The following BRAF variants were observed in gnomAD, a reference collection of about 807,000 sequenced individuals.
The protein encoded by BRAF is B-Raf proto-oncogene, serine/threonine kinase.
BRAF carries 16 observed loss-of-function variants against 104.6 expected under a neutral mutation model. That is an observed-to-expected ratio of 0.15 (90% CI 0.10 to 0.23). The LOEUF (loss-of-function observed/expected upper bound fraction) is 0.23. Among genes scored for constraint, BRAF ranks in the 10% least tolerant of loss-of-function variants. The probability of loss-of-function intolerance (pLI) is 1.00; values close to 1 mark genes in which losing one functional copy is unlikely to be tolerated. For synonymous variants in BRAF, 310 were observed against 341.6 expected (o/e 0.91, Z 1.02); for missense variants, 541 against 937.3 (o/e 0.58, Z 5.52).
At chr7:140,826,886 T>C (rs1416865153) in intron 3 of BRAF, among the ~76,000 whole-genome samples, 1 of 152,216 alleles carries the variant, frequency 6.6e-6, no homozygotes, top group East Asian at 1.9e-4. Context: ...CCAAGAATGA[T>C]TCTTCCCCCC....
intron 2 of BRAF, among the ~76,000 whole-genome samples, chr7:140,842,128 T>C (rs556843313): frequency 2.6e-5 from 4 of 152,266 alleles, no homozygotes; most frequent in Non-Finnish European, 5.9e-5. Context: ...TCTGTATTAT[T>C]CTAGGTTCTA....
chr7:140,761,456 G>A (rs1482372614), intron 14 of BRAF, among the ~76,000 whole-genome samples: 19 of 151,948 alleles, frequency 1.3e-4, no homozygotes, highest in East Asian at 3.9e-4. Flanking sequence ...AAAGACCATC[G>A]AGACTAGGAA....
intron 3 of BRAF, among the ~76,000 whole-genome samples, chr7:140,827,435 T>C (rs917913655): frequency 2.0e-5 from 3 of 152,134 alleles, no homozygotes; most frequent in Non-Finnish European, 4.4e-5. Context: ...GCAGTATAAA[T>C]TTGAATCCCA....
chr7:140,721,329 A>G lies in BRAF; in HGVS notation c.*5165T>C, dbSNP rs1382457995. The stretch of plus-strand genomic sequence containing the variant: ...TTTTAAAGCACTGTTACCTTAATTT[A>G]AGATTTTAGGAGTTGGGTTTCTGTC... On this transcript the variant is annotated 3_prime_UTR_variant, in exon 20 of 20. Coordinates refer to ENST00000644969, the MANE Select transcript of BRAF (RefSeq NM_001374258.1). 3 of 1,194,548 alleles carry G rather than the reference A, an allele frequency of 2.5e-6. No homozygotes were observed. The highest frequency in any genetic ancestry group is 3.1e-6 in the Non-Finnish European group (3 of 965,530). 74.0% of individuals were successfully genotyped at this position (1,194,548 alleles called of 1,614,324 possible). A position where few individuals can be genotyped will look rare whatever the true frequency, so the allele number is the denominator to read the frequency against.
At chr7:140,743,512 G>T (rs1422285210) in intron 17 of BRAF, among the ~76,000 whole-genome samples, 2 of 151,524 alleles carry the variant, frequency 1.3e-5, no homozygotes, top group African/African-American at 2.4e-5. Flanking sequence ...TCATAGGTGG[G>T]AATTGAACAA....
At chr7:140,891,731 G>A (rs1264320352) in intron 1 of BRAF, among the ~76,000 whole-genome samples, 4 of 152,012 alleles carry the variant, frequency 2.6e-5, no homozygotes, top group African/African-American at 4.8e-5. Context: ...CCTCCCAGCA[G>A]GGTAAGTATC....
rs576649895 is a variant in BRAF at position 140,853,750 on chromosome 7, A to C, written c.139-3538T>G. Among the ~76,000 whole-genome samples the C allele has an allele frequency of 3.3e-3, 497 of 152,306 alleles. 3 individuals carry two copies. The highest frequency in any genetic ancestry group is 0.011 in the African/African-American group (475 of 41,576). The stretch of plus-strand genomic sequence containing the variant: ...TCCCATTCCTTAAAGGCACAGAATC[A>C]GCTTCTATGCCCTTTGTTAATTTTA... On this transcript the variant is annotated intron_variant, in intron 1 of 19. Transcript: ENST00000644969.
intron 14 of BRAF, among the ~76,000 whole-genome samples, chr7:140,763,439 C>T (rs1391363409): frequency 4.0e-5 from 6 of 151,896 alleles, no homozygotes; most frequent in Admixed American, 1.3e-4. Flanking sequence ...ACCTCCCGGA[C>T]GAGGCAGCTG....
chr7:140,777,193 C>CTT (rs925184421), intron 13 of BRAF, 105 bp from the exon 13 acceptor site: 73 of 976,838 alleles, frequency 7.5e-5, no homozygotes, highest in African/African-American at 1.6e-4. Flanking sequence ...TCAGAAAAAG[C>CTT]TTTTTTTTTT....
At chr7:140,742,132 A>G (rs1470229761) in intron 17 of BRAF, among the ~76,000 whole-genome samples, 1 of 152,146 alleles carries the variant, frequency 6.6e-6, no homozygotes, top group Non-Finnish European at 1.5e-5. Context: ...ATTAGAGTCA[A>G]GTATCCCTGG....
chr7:140,719,645 A>G lies in BRAF; in HGVS notation c.*6849T>C. Reference sequence around the variant, plus strand: ...AAAAAAAATAATAAAAGATTCAAGCAAACATTGAGAATAGGGGAAAAGAGG... The same window carrying G: ...AAAAAAAATAATAAAAGATTCAAGCGAACATTGAGAATAGGGGAAAAGAGG... On this transcript the variant is annotated 3_prime_UTR_variant, in exon 20 of 20. Coordinates refer to ENST00000644969, the MANE Select transcript of BRAF (RefSeq NM_001374258.1). 1 of 1,062,902 alleles carries G rather than the reference A, an allele frequency of 9.4e-7. No individual in the cohort carries two copies. Among genetic ancestry groups the G allele is most frequent in the South Asian group, 4.6e-5 (1 of 21,952 alleles). The allele number at this position is 1,062,902 out of a possible 1,614,324, so 65.8% of individuals were successfully genotyped here. A position where few individuals can be genotyped will look rare whatever the true frequency, so the allele number is the denominator to read the frequency against.
chr7:140,787,737 T>C (rs1379727887), intron 8 of BRAF, among the ~76,000 whole-genome samples, 153 bp from the exon 9 acceptor site: 1 of 152,216 alleles, frequency 6.6e-6, no homozygotes, highest in Non-Finnish European at 1.5e-5. Context: ...TGGAATTATC[T>C]AGTGAACATA....
At chr7:140,875,414 C>T (rs550900718) in intron 1 of BRAF, among the ~76,000 whole-genome samples, 6 of 152,304 alleles carry the variant, frequency 3.9e-5, no homozygotes, top group African/African-American at 9.6e-5. Context: ...CTTGCTCTGT[C>T]GCCCAGGCTG....
intron 1 of BRAF, among the ~76,000 whole-genome samples, chr7:140,901,012 T>A (rs966365880): frequency 1.3e-5 from 2 of 152,296 alleles, no homozygotes; most frequent in East Asian, 1.9e-4. Flanking sequence ...CTCAGTTGGG[T>A]AACTGCTCTT....
At chr7:140,915,297 C>CATTT (rs935365938) in intron 1 of BRAF, among the ~76,000 whole-genome samples, 2 of 151,960 alleles carry the variant, frequency 1.3e-5, no homozygotes, top group Admixed American at 6.6e-5. Context: ...AGTATCCTAA[C>CATTT]ATTTTATTTC....
chr7:140,768,827 G>T (rs915533696), intron 14 of BRAF, among the ~76,000 whole-genome samples: 1 of 151,906 alleles, frequency 6.6e-6, no homozygotes, highest in Admixed American at 6.6e-5. Flanking sequence ...CTGTGAAAGG[G>T]GGTTGCTATA....
intron 10 of BRAF, among the ~76,000 whole-genome samples, chr7:140,783,731 T>C (rs1383700923): frequency 3.9e-5 from 6 of 152,206 alleles, no homozygotes. Flanking sequence ...GTCAGTATCA[T>C]TGGTTCCTGG....
intron 14 of BRAF, among the ~76,000 whole-genome samples, chr7:140,760,680 A>G (rs1586046984): frequency 1.3e-5 from 2 of 152,114 alleles, no homozygotes; most frequent in Admixed American, 6.5e-5. Flanking sequence ...TAACCAGTGT[A>G]GAGAAGTGCT....
At chr7:140,914,040 A>C (rs1416110824) in intron 1 of BRAF, among the ~76,000 whole-genome samples, 1 of 152,238 alleles carries the variant, frequency 6.6e-6, no homozygotes, top group Non-Finnish European at 1.5e-5. Context: ...AAAAGTGTTA[A>C]CTAGAGCCCT....
Sources: allele counts gnomAD v4.1 joint callset (sites outside exome capture counted in the v4.1 genomes callset), GRCh38; gene constraint gnomAD v4.1.1; transcripts MANE v1.5; gene names NCBI Gene and HGNC (gene_info 2026-07-23, HGNC 2026-07-21).